Variants in TRPM1 observed in about 807,000 individuals in gnomAD.
TRPM1 encodes transient receptor potential cation channel subfamily M member 1.
Under a neutral mutation model 149.4 loss-of-function variants are expected in TRPM1, and 113 were observed. The ratio of observed to expected loss-of-function variants is 0.76; its 90% CI spans 0.65 to 0.88. The LOEUF (loss-of-function observed/expected upper bound fraction) is 0.88. Among genes scored for constraint, TRPM1 ranks in the 40% least tolerant of loss-of-function variants. The probability of loss-of-function intolerance (pLI) is 0.00; values close to 1 mark genes in which losing one functional copy is unlikely to be tolerated. For synonymous variants in TRPM1, 741 were observed against 759.5 expected, an observed-to-expected ratio of 0.98 and a Z score of 0.40; for missense variants, 1,976 against 2,038.7, an observed-to-expected ratio of 0.97 and a Z score of 0.59.
intron 1 of TRPM1, among the ~76,000 whole-genome samples, chr15:31,122,936 T>A (rs1002718392): frequency 1.3e-5 from 2 of 152,202 alleles, no homozygotes; most frequent in African/African-American, 4.8e-5. Context: ...CCTCAAGATT[T>A]ACTATAAAGC....
chr15:31,126,359 C>T (rs2035951294), intron 1 of TRPM1, among the ~76,000 whole-genome samples: 1 of 152,180 alleles, frequency 6.6e-6, no homozygotes, highest in East Asian at 1.9e-4. Flanking sequence ...TGCAGGAAGC[C>T]ACTGCGAAAC....
rs542228043 is a variant in TRPM1 at position 31,121,266 on chromosome 15, C to G, written c.54+39640G>C. On this transcript the variant is annotated intron_variant, in intron 1 of 26. Coordinates refer to the TRPM1 transcript ENST00000542188. ...AAAAGAAAGCTCTAAAACCGGTAAT[C>G]TAAGTTTTCACCTTAGAAAAGTAGA... Among the ~76,000 whole-genome samples the G allele has an allele frequency of 1.2e-3, 174 of 145,546 alleles. 2 individuals carry two copies. The highest frequency in any genetic ancestry group is 4.2e-3 in the African/African-American group (167 of 39,716).
chr15:31,037,667 A>G, intron 20 of TRPM1, 44 bp downstream of exon 20: 2 of 1,614,078 alleles, frequency 1.2e-6, no homozygotes, highest in Non-Finnish European at 1.7e-6. Context: ...ATATCAAAGC[A>G]TTCAAAATAT....
rs535745818 is a variant in TRPM1 at position 31,072,139 on chromosome 15, C to T, written c.84-1913G>A. Among the ~76,000 whole-genome samples, 11 of 151,300 alleles carry T rather than the reference C, an allele frequency of 7.3e-5. No individual in the cohort carries two copies. The South Asian group carries it at 2.3e-3, about 32-fold the overall frequency. ...TTCATCACCTCAAAAAGAAACTTGG[C>T]ATGGCATATTTTAAGTTATCTTCCT... On this transcript the variant is annotated intron_variant, in intron 3 of 27. Coordinates refer to ENST00000256552, the MANE Select transcript of TRPM1 (RefSeq NM_001252024.2).
At chr15:31,057,807 A>T (rs1304491576) in intron 11 of TRPM1, among the ~76,000 whole-genome samples, 3 of 152,204 alleles carry the variant, frequency 2.0e-5, no homozygotes, top group African/African-American at 7.2e-5. Context: ...AAGTGATTGG[A>T]TCATGAGGGC....
At chr15:31,095,309 C>G (rs2035347811) in intron 1 of TRPM1, among the ~76,000 whole-genome samples, 1 of 152,186 alleles carries the variant, frequency 6.6e-6, no homozygotes, top group African/African-American at 2.4e-5. Flanking sequence ...GTTGCATGAC[C>G]TCATGACTGT....
At chr15:31,097,200 C>T (rs1183713612) in intron 1 of TRPM1, among the ~76,000 whole-genome samples, 1 of 152,168 alleles carries the variant, frequency 6.6e-6, no homozygotes, top group Non-Finnish European at 1.5e-5. Flanking sequence ...TCCAGGCCTG[C>T]CCTCCAGTGG....
chr15:31,015,929 G>A (rs578232146), intron 27 of TRPM1, among the ~76,000 whole-genome samples: 3 of 152,176 alleles, frequency 2.0e-5, no homozygotes, highest in African/African-American at 7.2e-5. Flanking sequence ...TTGCAAACAT[G>A]CCGTCATCAT....
intron 27 of TRPM1, among the ~76,000 whole-genome samples, chr15:31,005,417 A>G (rs2031952987): frequency 6.6e-6 from 1 of 152,040 alleles, no homozygotes; most frequent in Non-Finnish European, 1.5e-5. Flanking sequence ...AAGTCATTGG[A>G]TTCTTTGGTC....
At chr15:31,058,243 AAG>A (rs1567023991) in intron 11 of TRPM1, among the ~76,000 whole-genome samples, 1 of 152,260 alleles carries the variant, frequency 6.6e-6, no homozygotes, top group African/African-American at 2.4e-5. Context: ...GGAAGAAAAA[AAG>A]AGAATCAATT....
intron 19 of TRPM1, 26 bp from the exon 20 acceptor site, chr15:31,037,868 C>T (rs1178731380): frequency 6.2e-7 from 1 of 1,614,050 alleles, no homozygotes; most frequent in Admixed American, 1.7e-5. Flanking sequence ...CAGCACATGA[C>T]AGGCAGGTGG....
In TRPM1 at chr15:31,001,646, C is replaced by T; in HGVS notation, c.*176G>A. 1 of 661,298 alleles carries T rather than the reference C, an allele frequency of 1.5e-6. No individual in the cohort carries two copies. Among genetic ancestry groups the T allele is most frequent in the South Asian group, 2.0e-5 (1 of 50,278 alleles). The allele number at this position is 661,298 out of a possible 1,614,324, so 41.0% of individuals were successfully genotyped here. Reference sequence around the variant, plus strand: ...ACTACTGCAACTGAAAAAACTAAGCCTACTAACATATGCTAACAAAATACT... The same window carrying T: ...ACTACTGCAACTGAAAAAACTAAGCTTACTAACATATGCTAACAAAATACT... On this transcript the variant is annotated 3_prime_UTR_variant, in exon 28 of 28. Coordinates refer to ENST00000256552, the MANE Select transcript of TRPM1 (RefSeq NM_001252024.2).
intron 2 of TRPM1, among the ~76,000 whole-genome samples, chr15:31,080,816 G>T (rs2034838308): frequency 6.6e-6 from 1 of 150,588 alleles, no homozygotes; most frequent in Non-Finnish European, 1.5e-5. Context: ...AGAAACCCGC[G>T]CTGGGGCGCT....
intron 1 of TRPM1, among the ~76,000 whole-genome samples, chr15:31,160,550 A>G (rs2036431557): frequency 6.6e-6 from 1 of 152,168 alleles, no homozygotes; most frequent in Non-Finnish European, 1.5e-5. Flanking sequence ...CAGCAGAGAG[A>G]ACTAAGGGGC....
rs931320830 is a variant in TRPM1 at position 31,066,241 on chromosome 15, T to C, written c.625A>G (p.Arg209Gly). The C allele has an allele frequency of 1.2e-6, 2 of 1,614,212 alleles. No individual in the cohort carries two copies. Among genetic ancestry groups the C allele is most frequent in the Non-Finnish European group, 8.5e-7 (1 of 1,180,042 alleles). ...GGGTTGGACATGGTCTGGTACACTC[T>C]TGTTACCTGACAAAGTGCACAGCGC... is the stretch of plus-strand genomic sequence containing the variant. ...KEDLVGKDVT[R>G]VYQTMSNPLS... Residue 209 changes from arginine (R) to glycine (G), a missense_variant, in exon 7 of 28, where the codon AGA (arginine) becomes GGA (glycine). Arg to Gly is a moderately radical substitution (Grantham distance 125). Coordinates refer to ENST00000256552, the MANE Select transcript of TRPM1 (RefSeq NM_001252024.2).
Position 31,040,039 on chromosome 15 carries a change from C to A in TRPM1, c.2316+79G>T, listed in dbSNP as rs987312176. The A allele has an allele frequency of 2.3e-4, 291 of 1,284,330 alleles. No homozygotes were observed. Among genetic ancestry groups the A allele is most frequent in the Non-Finnish European group, 3.2e-4 (285 of 884,854 alleles). 79.6% of individuals were successfully genotyped at this position (1,284,330 alleles called of 1,614,324 possible). A position where few individuals can be genotyped will look rare whatever the true frequency, so the allele number is the denominator to read the frequency against. On this transcript the variant is annotated intron_variant, in intron 18 of 27. Coordinates refer to ENST00000256552, the MANE Select transcript of TRPM1 (RefSeq NM_001252024.2). This position sits in a 1 kb window ranked among gnomAD's most constrained non-coding sequence, Gnocchi z 4.2. ...TAGAAGGAATAAATGAAATAAGCCA[C>A]AGAAAGTGCTCAGTTCAGCCTGGCA...
At chr15:31,141,511 C>G (rs1288741071) in intron 1 of TRPM1, among the ~76,000 whole-genome samples, 1 of 151,988 alleles carries the variant, frequency 6.6e-6, no homozygotes, top group Non-Finnish European at 1.5e-5. Context: ...AGAAGCAAGG[C>G]AGACAGAAAC....
intron 27 of TRPM1, among the ~76,000 whole-genome samples, chr15:31,021,488 G>A (rs574035465): frequency 6.6e-6 from 1 of 152,266 alleles, no homozygotes; most frequent in East Asian, 1.9e-4. Context: ...TTGAGGCCAG[G>A]AGTTCCAGAC....
chr15:31,112,990 T>TA (rs1337572802), intron 1 of TRPM1, among the ~76,000 whole-genome samples: 2 of 152,190 alleles, frequency 1.3e-5, no homozygotes, highest in Non-Finnish European at 2.9e-5. Flanking sequence ...AACACAAGCT[T>TA]AACCATCTGA....
Sources: gnomAD v4.1 joint callset for allele counts (sites outside exome capture counted in the v4.1 genomes callset) on GRCh38, gnomAD v4.1.1 for gene constraint, Gnocchi (gnomAD v3.1) non-coding constraint, MANE v1.5 for transcripts, NCBI Gene and HGNC (gene_info 2026-07-23, HGNC 2026-07-21) for gene names.